The following SUMF1 variants were observed in gnomAD, a reference collection of about 807,000 sequenced individuals.
The protein encoded by SUMF1 is formylglycine-generating enzyme.
Under a neutral mutation model 47.6 loss-of-function variants are expected in SUMF1, and 48 were observed. The observed-to-expected ratio is 1.01, with a 90% CI of 0.80 to 1.28. The LOEUF (loss-of-function observed/expected upper bound fraction) is 1.28. SUMF1 is among the 50% of genes most tolerant of loss of function. SUMF1 has a pLI of 0.00. For synonymous variants in SUMF1, 230 were observed against 192.1 expected, an observed-to-expected ratio of 1.20 and a Z score of -1.63; for missense variants, 571 against 485.4, an observed-to-expected ratio of 1.18 and a Z score of -1.66.
At chr3:4,263,342 G>A (rs1697124312) in intron 8 of SUMF1, among the ~76,000 whole-genome samples, 1 of 152,134 alleles carries the variant, frequency 6.6e-6, no homozygotes, top group Admixed American at 6.5e-5. Context: ...CCACGAGCAT[G>A]ATTCCAAAAC....
At chr3:4,201,976 T>A (rs1216185422) in intron 8 of SUMF1, among the ~76,000 whole-genome samples, 2 of 152,086 alleles carry the variant, frequency 1.3e-5, no homozygotes, top group Admixed American at 1.3e-4. Context: ...TATTGAGTTG[T>A]TTCAGCTCCT....
chr3:4,174,324 C>G (rs1376123323), intron 8 of SUMF1, among the ~76,000 whole-genome samples: 1 of 145,078 alleles, frequency 6.9e-6, no homozygotes, highest in Middle Eastern at 4.1e-3. Context: ...CCACTGCACT[C>G]CAGCCTGGGT....
chr3:4,394,034 A>C lies in SUMF1; in HGVS notation c.954+16831T>G, dbSNP rs188890314. Among the ~76,000 whole-genome samples the C allele has an allele frequency of 2.5e-4, 38 of 152,314 alleles. No homozygotes were observed. The East Asian group carries it at 6.0e-3, about 24-fold the overall frequency. ...TTCATGAGATAATTAAGGACATGTA[A>C]ATGCTGACTGAGTATTTGATAATAT... On this transcript the variant is annotated intron_variant, in intron 7 of 8. Coordinates refer to ENST00000272902, the MANE Select transcript of SUMF1 (RefSeq NM_182760.4).
At chr3:4,448,159 A>C (rs1702846771) in intron 3 of SUMF1, among the ~76,000 whole-genome samples, 1 of 152,226 alleles carries the variant, frequency 6.6e-6, no homozygotes, top group East Asian at 1.9e-4. Context: ...ACATTTATCT[A>C]AAACACATAT....
At chr3:4,192,967 T>A (rs1249218271) in intron 8 of SUMF1, among the ~76,000 whole-genome samples, 2 of 152,216 alleles carry the variant, frequency 1.3e-5, no homozygotes, top group Non-Finnish European at 2.9e-5. Flanking sequence ...TTAATACACA[T>A]TAGCTATTAT....
chr3:4,388,255 G>A (rs568096658), intron 7 of SUMF1, among the ~76,000 whole-genome samples: 1 of 151,858 alleles, frequency 6.6e-6, no homozygotes, highest in African/African-American at 2.4e-5. Context: ...CCATTCTCTG[G>A]GGCATACACA....
intron 8 of SUMF1, among the ~76,000 whole-genome samples, chr3:4,226,859 T>C (rs759952194): frequency 2.8e-5 from 3 of 106,834 alleles, no homozygotes; most frequent in African/African-American, 3.7e-5. Flanking sequence ...TATGACTATG[T>C]AAGCATGACC....
At chr3:4,216,300 C>T (rs567943080) in intron 8 of SUMF1, among the ~76,000 whole-genome samples, 1 of 152,292 alleles carries the variant, frequency 6.6e-6, no homozygotes, top group South Asian at 2.1e-4. Flanking sequence ...AAAAGATTCC[C>T]TATTTAATGA....
intron 8 of SUMF1, among the ~76,000 whole-genome samples, chr3:4,236,519 C>A (rs534513705): frequency 2.0e-5 from 3 of 152,094 alleles, no homozygotes; most frequent in East Asian, 1.9e-4. Context: ...CTCAGGAGGC[C>A]GAAGCAGGAG....
intron 8 of SUMF1, among the ~76,000 whole-genome samples, chr3:4,134,363 T>C (rs1248333140): frequency 1.3e-5 from 2 of 152,136 alleles, no homozygotes; most frequent in African/African-American, 4.8e-5. Flanking sequence ...TGTCCCTGAA[T>C]GACTACTGGG....
At chr3:4,312,985 T>G in intron 8 of SUMF1, 1 of 1,614,040 alleles carries the variant, frequency 6.2e-7, no homozygotes, top group Non-Finnish European at 8.5e-7. Flanking sequence ...CAAAACTCCC[T>G]GCCTCCCTGG....
chr3:4,269,170 C>T (rs1020639485), intron 8 of SUMF1, among the ~76,000 whole-genome samples: 2 of 151,998 alleles, frequency 1.3e-5, no homozygotes, highest in Admixed American at 6.6e-5. Context: ...TTTATACACA[C>T]AGAATCATTT....
intron 8 of SUMF1, among the ~76,000 whole-genome samples, chr3:4,224,327 G>A (rs75470067): frequency 3.3e-5 from 5 of 152,210 alleles, no homozygotes; most frequent in South Asian, 2.1e-4. Context: ...GGGATGCTCC[G>A]TGACAAGGTG....
At chr3:4,227,422 C>T (rs1274610522) in intron 8 of SUMF1, among the ~76,000 whole-genome samples, 3 of 152,094 alleles carry the variant, frequency 2.0e-5, no homozygotes, top group Non-Finnish European at 4.4e-5. Context: ...ACTGCTTCTA[C>T]AACAGAAAAC....
chr3:4,252,877 T>C (rs1169537588), intron 8 of SUMF1, among the ~76,000 whole-genome samples: 1 of 152,128 alleles, frequency 6.6e-6, no homozygotes, highest in Non-Finnish European at 1.5e-5. Context: ...AACACAAAAA[T>C]GCACCCTAAA....
intron 8 of SUMF1, among the ~76,000 whole-genome samples, chr3:4,139,777 A>C (rs1225500265): frequency 1.3e-5 from 2 of 151,922 alleles, no homozygotes; most frequent in African/African-American, 4.8e-5. Context: ...AGTAAAAAAA[A>C]AATCCCCCCT....
At position 4,156,307 on chromosome 3, in the gene SUMF1, C is replaced by G. The variant is rs768645101; in HGVS notation, c.1015-87562G>C. Among the ~76,000 whole-genome samples, 13 of 151,544 alleles carry G rather than the reference C, an allele frequency of 8.6e-5. 1 individual carries two copies. The highest frequency in any genetic ancestry group is 1.5e-4 in the Non-Finnish European group (10 of 68,000). ...ACTGGAATGAAAATTCTCTCCATCT[C>G]CTGCCAACACTCCTGTACTCTTTCT... On this transcript the variant is annotated intron_variant and NMD_transcript_variant, in intron 8 of 12. Coordinates refer to the SUMF1 transcript ENST00000448413.
chr3:4,270,398 T>C, intron 8 of SUMF1, among the ~76,000 whole-genome samples: 1 of 151,912 alleles, frequency 6.6e-6, no homozygotes, highest in East Asian at 1.9e-4. Flanking sequence ...CTCTCTTTGC[T>C]CTCTCTCTCT....
intron 8 of SUMF1, among the ~76,000 whole-genome samples, chr3:4,240,971 C>T (rs1037013329): frequency 9.2e-5 from 14 of 152,026 alleles, no homozygotes; most frequent in Admixed American, 2.0e-4. Context: ...ACCAAAGATA[C>T]GATATCCTTT....
Sources: gnomAD v4.1 joint callset for allele counts (sites outside exome capture counted in the v4.1 genomes callset) on GRCh38, gnomAD v4.1.1 for gene constraint, MANE v1.5 for transcripts, NCBI Gene and HGNC (gene_info 2026-07-23, HGNC 2026-07-21) for gene names.